The following LRRC3B variants were observed in gnomAD, a reference collection of about 807,000 sequenced individuals.
LRRC3B encodes the protein leucine rich repeat containing 3B.
Under a neutral mutation model 12.8 loss-of-function variants are expected in LRRC3B, and 2 were observed. That is an observed-to-expected ratio of 0.16 (90% CI 0.06 to 0.49). The LOEUF is 0.49. Ranked by LOEUF, LRRC3B falls within the 20% of genes least tolerant of loss-of-function variation. The probability of loss-of-function intolerance (pLI) is 0.96; values close to 1 mark genes in which losing one functional copy is unlikely to be tolerated. For synonymous variants in LRRC3B, 132 were observed against 122.0 expected, an observed-to-expected ratio of 1.08 and a Z score of -0.54; for missense variants, 189 against 319.4, an observed-to-expected ratio of 0.59 and a Z score of 3.11.
At chr3:26,684,746 G>T (rs1252159902) in intron 1 of LRRC3B, among the ~76,000 whole-genome samples, 1 of 152,168 alleles carries the variant, frequency 6.6e-6, no homozygotes, top group Non-Finnish European at 1.5e-5. Flanking sequence ...ACTGTGGATA[G>T]CAGTTAAATG....
chr3:26,675,869 A>AT (rs1015625002), intron 1 of LRRC3B, among the ~76,000 whole-genome samples: 8 of 151,976 alleles, frequency 5.3e-5, no homozygotes, highest in Admixed American at 5.2e-4. Flanking sequence ...GAAACATACA[A>AT]TTTTTTTATT....
intron 1 of LRRC3B, among the ~76,000 whole-genome samples, chr3:26,636,908 CTCTTTCTCTCTTTCTTTCTTTCTTTCTT>C (rs1698898224): frequency 4.7e-5 from 5 of 105,328 alleles, no homozygotes; most frequent in African/African-American, 2.3e-4. Flanking sequence ...CTCTCTTTCT[CTCTTTCTCTCTTTCTTTCTTTCTTTCTT>C]TCTTTCTTTC....
At chr3:26,660,127 G>A (rs1432323523) in intron 1 of LRRC3B, among the ~76,000 whole-genome samples, 2 of 152,048 alleles carry the variant, frequency 1.3e-5, no homozygotes, top group East Asian at 3.9e-4. Context: ...TCCCTCCTCA[G>A]TCTAAGATTT....
intron 1 of LRRC3B, among the ~76,000 whole-genome samples, chr3:26,649,567 C>T (rs1559354763): frequency 6.6e-6 from 1 of 152,162 alleles, no homozygotes; most frequent in Non-Finnish European, 1.5e-5. Context: ...CCTGCATTTT[C>T]ATCATATTTG....
rs930266501 is a variant in LRRC3B, at chr3:26,666,856, C to T, written c.-160-42657C>T. Among the ~76,000 whole-genome samples, 8 of 152,140 alleles carry T rather than the reference C, an allele frequency of 5.3e-5. 1 individual carries two copies. In the South Asian group the frequency reaches 1.7e-3, roughly 32 times the overall value. ...TCAATATTTCCTTGCTTTTCATGAC[C>T]TTGACAGTTGTGAAGAGTCAGGTAT... On this transcript the variant is annotated intron_variant, in intron 1 of 1. Transcript: ENST00000396641.
intron 1 of LRRC3B, among the ~76,000 whole-genome samples, chr3:26,655,468 A>C (rs1699354696): frequency 6.6e-6 from 1 of 152,208 alleles, no homozygotes; most frequent in African/African-American, 2.4e-5. Context: ...CCTACAATGG[A>C]CATGACTAAG....
chr3:26,685,511 CTCTCTCTCTCTCTATA>C (rs1159934455), intron 1 of LRRC3B, among the ~76,000 whole-genome samples: 2 of 52,118 alleles, frequency 3.8e-5, no homozygotes, highest in African/African-American at 1.5e-4. Flanking sequence ...CTCTCTCTCT[CTCTCTCTCTCTCTATA>C]TATATATATA....
intron 1 of LRRC3B, among the ~76,000 whole-genome samples, chr3:26,627,376 T>C (rs928223317): frequency 3.9e-5 from 6 of 152,170 alleles, no homozygotes; most frequent in African/African-American, 1.4e-4. Flanking sequence ...AGTGGAAACC[T>C]GGTGCCTTTT....
intron 1 of LRRC3B, among the ~76,000 whole-genome samples, chr3:26,641,552 G>A (rs1699031710): frequency 1.3e-5 from 2 of 152,128 alleles, no homozygotes; most frequent in African/African-American, 4.8e-5. Context: ...CAACACAATA[G>A]AAAACCACTG....
chr3:26,681,073 T>C (rs889801113), intron 1 of LRRC3B, among the ~76,000 whole-genome samples: 13 of 152,090 alleles, frequency 8.5e-5, no homozygotes, highest in Admixed American at 2.0e-4. Flanking sequence ...TTTAAAAAAG[T>C]AGATTTTGAG....
chr3:26,629,742 T>C (rs1295050430), intron 1 of LRRC3B, among the ~76,000 whole-genome samples: 1 of 152,210 alleles, frequency 6.6e-6, no homozygotes, highest in Admixed American at 6.5e-5. Context: ...GCTAGTTTGT[T>C]ATTTTAACTG....
chr3:26,634,286 T>G (rs1698819305), intron 1 of LRRC3B, among the ~76,000 whole-genome samples: 1 of 152,212 alleles, frequency 6.6e-6, no homozygotes, highest in African/African-American at 2.4e-5. Flanking sequence ...AGACAAGTGT[T>G]AGAATTCTTC....
chr3:26,699,419 ATGTGTGT>A (rs1405700879), intron 1 of LRRC3B, among the ~76,000 whole-genome samples: 1 of 152,108 alleles, frequency 6.6e-6, no homozygotes, highest in Non-Finnish European at 1.5e-5. Context: ...GGATGGAAGT[ATGTGTGT>A]TGTGCTAAAT....
chr3:26,634,366 A>G (rs569848866), intron 1 of LRRC3B, among the ~76,000 whole-genome samples: 2 of 152,376 alleles, frequency 1.3e-5, no homozygotes, highest in Admixed American at 1.3e-4. Context: ...AGTCACCCAA[A>G]GATACCTGAA....
At chr3:26,678,501 G>GAA (rs112029745) in intron 1 of LRRC3B, among the ~76,000 whole-genome samples, 1 of 144,906 alleles carries the variant, frequency 6.9e-6, no homozygotes, top group Non-Finnish European at 1.5e-5. Flanking sequence ...CTCAAAAAAC[G>GAA]AAAAAAAAAA....
At chr3:26,706,632 G>C (rs902261789) in intron 1 of LRRC3B, among the ~76,000 whole-genome samples, 1 of 152,156 alleles carries the variant, frequency 6.6e-6, no homozygotes, top group Non-Finnish European at 1.5e-5. Flanking sequence ...TCTGAGTAGA[G>C]AACTCAACCT....
chr3:26,636,839 TGCC>T (rs1698887133), intron 1 of LRRC3B, among the ~76,000 whole-genome samples: 1 of 54,908 alleles, frequency 1.8e-5, no homozygotes, highest in Non-Finnish European at 3.2e-5. Flanking sequence ...CCTCCCTCCC[TGCC>T]TCCCTCCCTC....
chr3:26,644,753 C>T (rs898915616), intron 1 of LRRC3B, among the ~76,000 whole-genome samples: 5 of 152,154 alleles, frequency 3.3e-5, no homozygotes, highest in African/African-American at 1.2e-4. Context: ...TTTGGACCTC[C>T]AAAGTGTGAT....
intron 1 of LRRC3B, among the ~76,000 whole-genome samples, chr3:26,704,947 T>G (rs375712753): frequency 6.6e-6 from 1 of 152,230 alleles, no homozygotes; most frequent in Non-Finnish European, 1.5e-5. Flanking sequence ...CAAATTCTGC[T>G]GTTTAGTAAT....
Sources: gnomAD v4.1 joint callset for allele counts (sites outside exome capture counted in the v4.1 genomes callset) on GRCh38, gnomAD v4.1.1 for gene constraint, MANE v1.5 for transcripts, NCBI Gene and HGNC (gene_info 2026-07-23, HGNC 2026-07-21) for gene names.